The following SHLD1 variants were observed in gnomAD, a reference collection of about 807,000 sequenced individuals.
SHLD1 encodes the protein RINN1-REV7-interacting novel NHEJ regulator 3.
In SHLD1, 3 loss-of-function variants were observed where a neutral mutation model predicts 5.5. The ratio of observed to expected loss-of-function variants is 0.54; its 90% CI spans 0.25 to 1.40. SHLD1 has a LOEUF of 1.40. Ranked by LOEUF, SHLD1 falls within the 40% of genes most tolerant of loss-of-function variation. SHLD1 has a pLI of 0.15. For synonymous variants in SHLD1, 92 were observed against 94.3 expected (o/e 0.98, Z 0.14); for missense variants, 210 against 244.4 (o/e 0.86, Z 0.94).
At chr20:5,758,384 G>A (rs1254204135) in intron 1 of SHLD1, among the ~76,000 whole-genome samples, 1 of 148,094 alleles carries the variant, frequency 6.8e-6, no homozygotes, top group African/African-American at 2.5e-5. Context: ...GGAAAGGAAG[G>A]GAAGGAAGTG....
chr20:5,785,894 C>G (rs1397653092), intron 2 of SHLD1, among the ~76,000 whole-genome samples: 1 of 152,048 alleles, frequency 6.6e-6, no homozygotes, highest in African/African-American at 2.4e-5. Flanking sequence ...ATATTGGTAC[C>G]CTGTCAGGGT....
intron 2 of SHLD1, among the ~76,000 whole-genome samples, chr20:5,808,745 G>T (rs1160580953): frequency 6.6e-6 from 1 of 152,110 alleles, no homozygotes; most frequent in Non-Finnish European, 1.5e-5. Context: ...AGTCAAACTT[G>T]GTAACTATAT....
intron 2 of SHLD1, among the ~76,000 whole-genome samples, chr20:5,860,902 A>T (rs1285348758): frequency 1.1e-5 from 1 of 90,048 alleles, no homozygotes; most frequent in African/African-American, 4.3e-5. Context: ...AAAAAAAAAA[A>T]AAAAAAAAAG....
chr20:5,845,344 A>T (rs1489816012), intron 2 of SHLD1, among the ~76,000 whole-genome samples: 1 of 152,202 alleles, frequency 6.6e-6, no homozygotes, highest in Non-Finnish European at 1.5e-5. Flanking sequence ...AGATGAGGAC[A>T]TGGAGATTCA....
At chr20:5,758,957 T>G (rs1600088768) in intron 1 of SHLD1, among the ~76,000 whole-genome samples, 1 of 147,264 alleles carries the variant, frequency 6.8e-6, no homozygotes, top group East Asian at 2.0e-4. Context: ...ACAAGTTTTT[T>G]TTTTTTTTTT....
chr20:5,816,282 AT>A (rs1301042969), intron 2 of SHLD1, among the ~76,000 whole-genome samples: 1 of 151,870 alleles, frequency 6.6e-6, no homozygotes, highest in African/African-American at 2.4e-5. Context: ...CTTGAATGAC[AT>A]TTTTTTTATT....
chr20:5,832,239 C>T (rs960833730), intron 2 of SHLD1, among the ~76,000 whole-genome samples: 1 of 152,210 alleles, frequency 6.6e-6, no homozygotes, highest in Non-Finnish European at 1.5e-5. Context: ...CTGCGCTGGG[C>T]CTCTCTTCAT....
chr20:5,750,553 C>G (rs943460827), intron 1 of SHLD1, 74 bp downstream of exon 1: 1 of 150,574 alleles, frequency 6.6e-6, no homozygotes, highest in Admixed American at 6.7e-5. Flanking sequence ...TGATCGTTCT[C>G]TCTCAATTAG....
intron 2 of SHLD1, among the ~76,000 whole-genome samples, chr20:5,837,531 A>G (rs918534037): frequency 6.7e-6 from 1 of 148,504 alleles, no homozygotes; most frequent in African/African-American, 2.5e-5. Flanking sequence ...TGTTCTCATC[A>G]TTCAGCTCCC....
At chr20:5,774,671 A>C (rs916236551) in intron 2 of SHLD1, among the ~76,000 whole-genome samples, 4 of 152,078 alleles carry the variant, frequency 2.6e-5, no homozygotes, top group Non-Finnish European at 2.9e-5. Context: ...CACACTTTTA[A>C]ACAACCAGAT....
intron 2 of SHLD1, among the ~76,000 whole-genome samples, chr20:5,788,993 G>A (rs61576164): frequency 0.014 from 2,055 of 152,114 alleles, 52 homozygotes; most frequent in African/African-American, 0.046. Flanking sequence ...AATTATCTGG[G>A]CATAGTGGCA....
At chr20:5,754,992 G>T (rs1983985214) in intron 1 of SHLD1, among the ~76,000 whole-genome samples, 1 of 151,950 alleles carries the variant, frequency 6.6e-6, no homozygotes, top group East Asian at 1.9e-4. Context: ...GGAGGTGGAG[G>T]TTGCAGTGAG....
intron 1 of SHLD1, among the ~76,000 whole-genome samples, chr20:5,750,712 T>G (rs964738652): frequency 3.3e-5 from 5 of 152,082 alleles, no homozygotes; most frequent in African/African-American, 1.2e-4. Flanking sequence ...TTTTGTTGTT[T>G]TTTTTTAAAT....
intron 2 of SHLD1, among the ~76,000 whole-genome samples, chr20:5,817,432 C>CTCTCTGTGTGTG (rs1473391202): frequency 2.0e-4 from 17 of 85,668 alleles, no homozygotes; most frequent in Middle Eastern, 6.9e-3. Context: ...CTCTCTCTCT[C>CTCTCTGTGTGTG]TGTGTGTGTG....
At chr20:5,762,929 C>A (rs113591782) in intron 1 of SHLD1, among the ~76,000 whole-genome samples, 1 of 146,738 alleles carries the variant, frequency 6.8e-6, no homozygotes, top group Non-Finnish European at 1.5e-5. Flanking sequence ...GCCGAGATCG[C>A]GCCGTTGCAC....
chr20:5,756,055 T>C (rs1984075621), intron 1 of SHLD1, among the ~76,000 whole-genome samples: 1 of 152,112 alleles, frequency 6.6e-6, no homozygotes, highest in South Asian at 2.1e-4. Flanking sequence ...TTGTCAGTCT[T>C]ATGATCTCTA....
At chr20:5,794,522 A>G (rs2087184750) in intron 2 of SHLD1, among the ~76,000 whole-genome samples, 1 of 152,220 alleles carries the variant, frequency 6.6e-6, no homozygotes, top group South Asian at 2.1e-4. Context: ...CTATGAAAAT[A>G]TATATTTTCT....
chr20:5,766,589 C>G (rs1984841079), intron 1 of SHLD1, among the ~76,000 whole-genome samples: 2 of 152,096 alleles, frequency 1.3e-5, no homozygotes, highest in Admixed American at 1.3e-4. Context: ...CTTTACTACT[C>G]TCTGTGTCTG....
At chr20:5,811,907 A>G (rs2087463606) in intron 2 of SHLD1, among the ~76,000 whole-genome samples, 1 of 151,798 alleles carries the variant, frequency 6.6e-6, no homozygotes, top group African/African-American at 2.4e-5. Flanking sequence ...CATCTCCACC[A>G]CTGCCGGCTG....
Sources: gnomAD v4.1 joint callset for allele counts (sites outside exome capture counted in the v4.1 genomes callset) on GRCh38, gnomAD v4.1.1 for gene constraint, MANE v1.5 for transcripts, NCBI Gene and HGNC (gene_info 2026-07-23, HGNC 2026-07-21) for gene names.